Variants in TSC22D2 observed in about 807,000 individuals in gnomAD.
The protein encoded by TSC22D2 is TSC22 domain family member 2.
In TSC22D2, 5 loss-of-function variants were observed where a neutral mutation model predicts 50.1. The observed-to-expected ratio is 0.10, with a 90% CI of 0.05 to 0.21. The LOEUF is 0.21. Among genes scored for constraint, TSC22D2 ranks in the 10% least tolerant of loss-of-function variants. The pLI is 1.00. For synonymous variants in TSC22D2, 501 were observed against 450.1 expected (o/e 1.11, Z -1.43); for missense variants, 1,003 against 1,015.5 (o/e 0.99, Z 0.17).
At position 150,409,547 on chromosome 3, in the gene TSC22D2, G is replaced by T; in HGVS notation, c.197G>T (p.Ser66Ile). 1 of 1,605,254 alleles carries T rather than the reference G, an allele frequency of 6.2e-7. No individual in the cohort carries two copies. The highest frequency in any genetic ancestry group is 8.5e-7 in the Non-Finnish European group (1 of 1,173,210). The stretch of plus-strand genomic sequence containing the variant: ...GGCCCTGAGGAGGTCTGCGAGCGCA[G>T]CTCTTCCGAAGAGACGCTTAACAAT... ...DYGPEEVCER[S>I]SSEETLNNVG... The change falls in exon 1 of 3, where the codon AGC (serine) becomes ATC (isoleucine). Residue 66 changes from serine (S) to isoleucine (I), a missense_variant. Transcript: ENST00000688009. The surrounding 1 kb of genome is among the most constrained non-coding windows in gnomAD (Gnocchi z 7.4).
chr3:150,408,838 C>A lies in TSC22D2; in HGVS notation c.-513C>A. The A allele has an allele frequency of 6.5e-6, 1 of 153,650 alleles. No homozygotes were observed. The allele number at this position is 153,650 out of a possible 1,614,324, so 9.5% of individuals were successfully genotyped here. A position where few individuals can be genotyped will look rare whatever the true frequency, so the allele number is the denominator to read the frequency against. On this transcript the variant is annotated 5_prime_UTR_variant, in exon 1 of 3. Coordinates refer to ENST00000688009, the MANE Select transcript of TSC22D2 (RefSeq NM_001303264.2). ...CCGCTCCTTCCCTCAGTCAGAGAGC[C>A]CAGCGCTGACGCCGGCACCGGCCTG...
chr3:150,462,343 G>T lies in TSC22D2; in HGVS notation c.*3707G>T, dbSNP rs1474849180. On this transcript the variant is annotated 3_prime_UTR_variant, in exon 3 of 3. Coordinates refer to ENST00000688009, the MANE Select transcript of TSC22D2 (RefSeq NM_001303264.2). Reference sequence around the variant, plus strand: ...ATTTTGGCATCTATTCAGAAAGCAAGAATGATTTATTGAATGGTTTTAAGC... The same window carrying T: ...ATTTTGGCATCTATTCAGAAAGCAATAATGATTTATTGAATGGTTTTAAGC... The T allele has an allele frequency of 2.0e-5, 3 of 152,208 alleles. No individual in the cohort carries two copies. Among genetic ancestry groups the T allele is most frequent in the South Asian group, 4.1e-4 (2 of 4,836 alleles). The allele number at this position is 152,208 out of a possible 1,614,324, so 9.4% of individuals were successfully genotyped here.
intron 1 of TSC22D2, among the ~76,000 whole-genome samples, chr3:150,416,378 T>C (rs1189101392): frequency 6.6e-6 from 1 of 152,050 alleles, no homozygotes; most frequent in African/African-American, 2.4e-5. Context: ...ATTCCTTAAA[T>C]TGGAAAAGCA....
Position 150,410,085 on chromosome 3 carries a change from C to T in TSC22D2, c.735C>T (p.Ser245=). Residue 245 remains serine (S), a synonymous_variant, in exon 1 of 3, where the codon TCC becomes TCT. Coordinates refer to ENST00000688009, the MANE Select transcript of TSC22D2 (RefSeq NM_001303264.2). ...AHGPESGTDS[S]LTAVSQLPPS... ...GGCCCGAGTCGGGAACTGACAGCTC[C>T]TTGACTGCTGTGTCACAGCTACCCC... is the stretch of plus-strand genomic sequence containing the variant. 1 of 1,612,938 alleles carries T rather than the reference C, an allele frequency of 6.2e-7. No homozygotes were observed. The highest frequency in any genetic ancestry group is 8.5e-7 in the Non-Finnish European group (1 of 1,180,002).
chr3:150,432,989 A>C (rs1029218987), intron 1 of TSC22D2, among the ~76,000 whole-genome samples: 3 of 152,154 alleles, frequency 2.0e-5, no homozygotes, highest in African/African-American at 4.8e-5. Flanking sequence ...ATTGATACAG[A>C]GCTTTTAAAT....
intron 1 of TSC22D2, among the ~76,000 whole-genome samples, chr3:150,447,762 C>G (rs1172454451): frequency 6.6e-6 from 1 of 152,198 alleles, no homozygotes; most frequent in Non-Finnish European, 1.5e-5. Flanking sequence ...TCAATTGAAA[C>G]TTGAAATATG....
At chr3:150,445,036 C>A (rs13099758) in intron 1 of TSC22D2, among the ~76,000 whole-genome samples, 57,647 of 151,790 alleles carry the variant, frequency 0.38, 11,362 homozygotes, top group Middle Eastern at 0.54. Flanking sequence ...TTTTTAAATA[C>A]TCTTTTTGGA....
intron 1 of TSC22D2, among the ~76,000 whole-genome samples, chr3:150,452,148 T>A (rs1721060453): frequency 6.6e-6 from 1 of 152,148 alleles, no homozygotes; most frequent in Non-Finnish European, 1.5e-5. Flanking sequence ...CATAGTTTTT[T>A]AAAAATAGAG....
At position 150,411,258 on chromosome 3, in the gene TSC22D2, G is replaced by C. The variant is rs1258161349; in HGVS notation, c.1908G>C (p.Leu636=). 6 of 1,614,160 alleles carry C rather than the reference G, an allele frequency of 3.7e-6. No homozygotes were observed. Among genetic ancestry groups the C allele is most frequent in the Non-Finnish European group, 4.2e-6 (5 of 1,180,026 alleles). ...TTCAGTTAACACCTATGAACAGTCT[G>C]GCCACCTCTGTATTCAGCATAGCTA... ...NPLQLTPMNS[L]ATSVFSIAIP... The change falls in exon 1 of 3, where the codon CTG becomes CTC. Residue 636 remains leucine, a synonymous_variant. Coordinates refer to ENST00000688009, the MANE Select transcript of TSC22D2 (RefSeq NM_001303264.2).
intron 1 of TSC22D2, chr3:150,422,891 A>T (rs571428162): frequency 2.1e-6 from 1 of 486,468 alleles, no homozygotes; most frequent in African/African-American, 2.0e-5. Flanking sequence ...AATTTCTTCT[A>T]AAGTGTTGTT....
chr3:150,458,288 TA>T, intron 2 of TSC22D2, 87 bp from the exon 3 acceptor site: 1 of 1,382,048 alleles, frequency 7.2e-7, no homozygotes, highest in Non-Finnish European at 9.9e-7. Flanking sequence ...AAAACTAGTA[TA>T]AAAACTTAGC....
chr3:150,455,901 A>G (rs1394797057), intron 1 of TSC22D2, among the ~76,000 whole-genome samples: 8 of 151,762 alleles, frequency 5.3e-5, no homozygotes, highest in Admixed American at 5.2e-4. Flanking sequence ...TAGAAATAAA[A>G]TTCATTAAAA....
intron 1 of TSC22D2, among the ~76,000 whole-genome samples, chr3:150,448,144 G>T (rs915834956): frequency 6.6e-6 from 1 of 152,080 alleles, no homozygotes; most frequent in African/African-American, 2.4e-5. Context: ...GTTAAACTTT[G>T]CCTATTGTTA....
Position 150,458,794 on chromosome 3 carries a change from C to A in TSC22D2, c.*158C>A. 3.4e-6 allele frequency: 3 copies of A among 882,588 alleles called. No homozygotes were observed. The highest frequency in any genetic ancestry group is 5.2e-6 in the Non-Finnish European group (3 of 581,544). The allele number at this position is 882,588 out of a possible 1,614,324, so 54.7% of individuals were successfully genotyped here. ...ATCATTCTACAAGAGCTTTTCCTCT[C>A]TCTGAGATGTCATGCAGCGCTGTTG... is the stretch of plus-strand genomic sequence containing the variant. On this transcript the variant is annotated 3_prime_UTR_variant, in exon 3 of 3. Coordinates refer to ENST00000688009, the MANE Select transcript of TSC22D2 (RefSeq NM_001303264.2).
chr3:150,457,021 A>G, intron 1 of TSC22D2, 55 bp from the exon 2 acceptor site: 1 of 1,460,748 alleles, frequency 6.8e-7, no homozygotes, highest in Non-Finnish European at 9.6e-7. Flanking sequence ...TTCTTTTAAG[A>G]GTTGGAAGGG....
chr3:150,452,548 A>C (rs1401875913), intron 1 of TSC22D2, among the ~76,000 whole-genome samples: 1 of 152,172 alleles, frequency 6.6e-6, no homozygotes, highest in Non-Finnish European at 1.5e-5. Flanking sequence ...TTGCTTTCTC[A>C]GTAATGTTGC....
At chr3:150,426,125 G>A (rs932862588) in intron 1 of TSC22D2, among the ~76,000 whole-genome samples, 2 of 152,090 alleles carry the variant, frequency 1.3e-5, no homozygotes, top group Non-Finnish European at 2.9e-5. Context: ...TCAAATGTAG[G>A]GACAGTAGAT....
intron 1 of TSC22D2, among the ~76,000 whole-genome samples, chr3:150,451,268 C>CAT (rs1349547740): frequency 1.3e-5 from 2 of 152,014 alleles, no homozygotes; most frequent in African/African-American, 4.8e-5. Flanking sequence ...ATTAAAGATA[C>CAT]ATAAAATTTT....
chr3:150,416,022 G>A (rs919460259), intron 1 of TSC22D2, among the ~76,000 whole-genome samples: 1 of 152,140 alleles, frequency 6.6e-6, no homozygotes, highest in Non-Finnish European at 1.5e-5. Context: ...TAAAGGAATG[G>A]TAGTTAGGAA....
Sources: gnomAD v4.1 joint callset for allele counts (sites outside exome capture counted in the v4.1 genomes callset) on GRCh38, gnomAD v4.1.1 for gene constraint, Gnocchi (gnomAD v3.1) non-coding constraint, MANE v1.5 for transcripts, NCBI Gene and HGNC (gene_info 2026-07-23, HGNC 2026-07-21) for gene names.